TTLL6: variants seen among roughly 807,000 people sequenced by gnomAD.
TTLL6 encodes tubulin polyglutamylase TTLL6.
Under a neutral mutation model 96.4 loss-of-function variants are expected in TTLL6, and 75 were observed. The ratio of observed to expected loss-of-function variants is 0.78; its 90% confidence interval spans 0.65 to 0.94. The LOEUF is 0.94. TTLL6 is among the 40% of genes least tolerant of loss of function. The pLI, the probability that TTLL6 is intolerant of heterozygous loss-of-function variation, is 0.00. For synonymous variants in TTLL6, 411 were observed against 419.4 expected, an observed-to-expected ratio of 0.98 and a Z score of 0.24; for missense variants, 1,030 against 1,093.0, an observed-to-expected ratio of 0.94 and a Z score of 0.81.
chr17:48,782,772 G>A (rs1325903188), intron 13 of TTLL6, among the ~76,000 whole-genome samples: 2 of 151,718 alleles, frequency 1.3e-5, no homozygotes, highest in East Asian at 3.9e-4. Context: ...GGAGTGCAAT[G>A]GCACGATCTT....
At chr17:48,816,784 C>T (rs1481170482) in intron 1 of TTLL6, among the ~76,000 whole-genome samples, 186 bp downstream of exon 1, 1 of 152,104 alleles carries the variant, frequency 6.6e-6, no homozygotes, top group Non-Finnish European at 1.5e-5. Context: ...AGGGGGGAGT[C>T]CCGGAGCCGA....
chr17:48,803,854 G>C, intron 3 of TTLL6, 37 bp downstream of exon 3: 1 of 1,550,344 alleles, frequency 6.5e-7, no homozygotes, highest in Non-Finnish European at 8.7e-7. Context: ...GAATCCAGTG[G>C]GTCCCCATTA....
intron 15 of TTLL6, among the ~76,000 whole-genome samples, chr17:48,767,864 T>G (rs188806546): frequency 2.8e-4 from 43 of 152,304 alleles, no homozygotes; most frequent in African/African-American, 1.0e-3. Flanking sequence ...CCTGTTGCTC[T>G]GTCCCCTCAG....
intron 15 of TTLL6, among the ~76,000 whole-genome samples, chr17:48,768,636 C>A (rs1597955958): frequency 1.3e-5 from 2 of 149,494 alleles, no homozygotes; most frequent in African/African-American, 2.5e-5. Flanking sequence ...GAACCCCTTG[C>A]ATCAAGTAAT....
In TTLL6 at chr17:48,790,432, G is replaced by A. The variant is rs2039196726; in HGVS notation, c.1225-326C>T. 2.0e-5 allele frequency among the ~76,000 whole-genome samples: 3 copies of A among 152,166 alleles called. No homozygotes were observed. In the South Asian group the frequency reaches 6.2e-4, roughly 32 times the overall value. On this transcript the variant is annotated intron_variant, in intron 9 of 15. Coordinates refer to ENST00000393382, the MANE Select transcript of TTLL6 (RefSeq NM_001130918.3). ...GGGCATCCAGAGAGCAGGATGGAAG[G>A]GGTACTTCCCAAAGGGACAGGCTTG... is the stretch of plus-strand genomic sequence containing the variant.
At chr17:48,787,098 G>C (rs1329355153) in intron 11 of TTLL6, among the ~76,000 whole-genome samples, 1 of 151,982 alleles carries the variant, frequency 6.6e-6, no homozygotes, top group African/African-American at 2.4e-5. Context: ...CAAAGTGCTG[G>C]GATTACAGGC....
intron 1 of TTLL6, among the ~76,000 whole-genome samples, chr17:48,810,071 A>G (rs186404858): frequency 3.9e-4 from 59 of 149,398 alleles, no homozygotes; most frequent in African/African-American, 1.3e-3. Context: ...CCTGGGAGGC[A>G]GAGATTGCGG....
intron 13 of TTLL6, among the ~76,000 whole-genome samples, chr17:48,780,380 A>C (rs1443334179): frequency 6.6e-6 from 1 of 152,172 alleles, no homozygotes; most frequent in Non-Finnish European, 1.5e-5. Context: ...AAATGGGAAA[A>C]CTGAGGTTTA....
chr17:48,766,681 T>G (rs575868613), intron 15 of TTLL6, among the ~76,000 whole-genome samples: 2 of 152,240 alleles, frequency 1.3e-5, no homozygotes, highest in African/African-American at 2.4e-5. Flanking sequence ...TTGTCCAACA[T>G]GGCAAAACCC....
At chr17:48,782,515 C>G (rs1388975556) in intron 13 of TTLL6, among the ~76,000 whole-genome samples, 3 of 152,126 alleles carry the variant, frequency 2.0e-5, no homozygotes, top group Non-Finnish European at 4.4e-5. Context: ...TGGTTGTTGC[C>G]TTTACTGTGC....
At chr17:48,785,532 C>G (rs1398766117) in intron 12 of TTLL6, among the ~76,000 whole-genome samples, 1 of 152,180 alleles carries the variant, frequency 6.6e-6, no homozygotes, top group Admixed American at 6.5e-5. Context: ...AATCCCTGCT[C>G]TAATCCAGGT....
chr17:48,785,086 GCCT>G lies in TTLL6; in HGVS notation c.1874_1876del (p.Glu625del), dbSNP rs1567722737. 10 of 1,614,150 alleles carry G rather than the reference GCCT, an allele frequency of 6.2e-6. No individual in the cohort carries two copies. In the Middle Eastern group the frequency reaches 9.9e-4, roughly 160 times the overall value. ...CGTCAGCTTGGGGAAAACAGAGCTG[GCCT>G]CCTCCGTGGGAGCCTCCTGGTTGAG... On this transcript the variant is annotated inframe_deletion, in exon 13 of 16. Coordinates refer to ENST00000393382, the MANE Select transcript of TTLL6 (RefSeq NM_001130918.3).
At chr17:48,775,626 C>T (rs2038855261) in intron 13 of TTLL6, among the ~76,000 whole-genome samples, 1 of 151,964 alleles carries the variant, frequency 6.6e-6, no homozygotes, top group East Asian at 1.9e-4. Context: ...ACCACAATCT[C>T]TGCCTCCTGG....
Position 48,796,139 on chromosome 17 carries a change from A to C in TTLL6, c.920T>G (p.Ile307Ser). Reference protein sequence around the residue: ...SRPCTDNLDDICMHLTNYSIN... With the variant: ...SRPCTDNLDDSCMHLTNYSIN... ...GGAATAATTAGTCAGGTGCATGCAG[A>C]TATCATCCTGGGGAAAAAGACACAC... The change falls in exon 8 of 16, where the codon ATC (isoleucine) becomes AGC (serine). Residue 307 changes from isoleucine to serine, a missense_variant. By Grantham distance (142) the Ile-to-Ser change is moderately radical. Coordinates refer to ENST00000393382, the MANE Select transcript of TTLL6 (RefSeq NM_001130918.3). 1.3e-6 allele frequency: 2 copies of C among 1,551,160 alleles called. No homozygotes were observed. The highest frequency in any genetic ancestry group is 1.2e-5 in the South Asian group (1 of 83,942).
chr17:48,794,853 G>A (rs956951591), intron 8 of TTLL6, among the ~76,000 whole-genome samples: 8 of 152,154 alleles, frequency 5.3e-5, no homozygotes, highest in African/African-American at 1.9e-4. Flanking sequence ...AATGAGCTCT[G>A]GGGTCTAACA....
intron 6 of TTLL6, among the ~76,000 whole-genome samples, chr17:48,798,351 G>C (rs2039355108): frequency 6.6e-6 from 1 of 152,126 alleles, no homozygotes; most frequent in Non-Finnish European, 1.5e-5. Flanking sequence ...CAGATCACTT[G>C]AGGTCAGGAG....
In TTLL6 at chr17:48,787,906, G is replaced by A; in HGVS notation, c.1494C>T (p.Pro498=). 2 of 1,614,160 alleles carry A rather than the reference G, an allele frequency of 1.2e-6. No homozygotes were observed. Among genetic ancestry groups the A allele is most frequent in the Non-Finnish European group, 8.5e-7 (1 of 1,180,020 alleles). The change falls in exon 11 of 16, where the codon CCC becomes CCT. Residue 498 remains proline, a synonymous_variant. Transcript: ENST00000393382. ...TCTCATACTTCTCCGAATTCAGACT[G>A]GGATAAATCAGTCGGAACCCTCCAC... ...ENCGGFRLIY[P]SLNSEKYEKF... is the part of the protein sequence containing the mutation.
chr17:48,767,761 G>A (rs1465747378), intron 15 of TTLL6, among the ~76,000 whole-genome samples: 1 of 152,130 alleles, frequency 6.6e-6, no homozygotes, highest in African/African-American at 2.4e-5. Flanking sequence ...CTGAAGTTCA[G>A]ACGGAGGGCA....
Position 48,769,972 on chromosome 17 carries a change from T to C in TTLL6, c.2166A>G (p.Val722=), listed in dbSNP as rs1359072944. ...EYSGPETDRV[V]SFKCKKQQTP... Reference sequence around the variant, plus strand: ...TCTGCTGCTTCTTGCATTTAAAGGATACCACCCTGTCCGTCTCTGGGCCAC... The same window carrying C: ...TCTGCTGCTTCTTGCATTTAAAGGACACCACCCTGTCCGTCTCTGGGCCAC... Residue 722 remains valine, a synonymous_variant, in exon 14 of 16, where the codon GTA becomes GTG. Coordinates refer to ENST00000393382, the MANE Select transcript of TTLL6 (RefSeq NM_001130918.3). 5 of 1,614,154 alleles carry C rather than the reference T, an allele frequency of 3.1e-6. No homozygotes were observed. Among genetic ancestry groups the C allele is most frequent in the South Asian group, 1.1e-5 (1 of 91,078 alleles).
Sources: gnomAD v4.1 joint callset for allele counts (sites outside exome capture counted in the v4.1 genomes callset) on GRCh38, gnomAD v4.1.1 for gene constraint, MANE v1.5 for transcripts, NCBI Gene and HGNC (gene_info 2026-07-23, HGNC 2026-07-21) for gene names.